The following LIMS1 variants were observed in gnomAD, a reference collection of about 807,000 sequenced individuals.
LIMS1 encodes the protein LIM and senescent cell antigen-like-containing domain protein 1.
A neutral mutation model predicts 44.1 loss-of-function variants in LIMS1; 18 were observed. That is an observed-to-expected ratio of 0.41 (90% CI 0.28 to 0.61). The LOEUF is 0.61. LIMS1 is among the 20% of genes least tolerant of loss of function. The pLI is 0.32. For missense variants in LIMS1, 201 were observed against 422.0 expected (o/e 0.48, Z 4.59); for synonymous variants, 93 against 149.1 (o/e 0.62, Z 2.74).
intron 1 of LIMS1, among the ~76,000 whole-genome samples, chr2:108,550,288 G>C (rs184124397): frequency 2.0e-5 from 3 of 151,668 alleles, no homozygotes; most frequent in South Asian, 2.1e-4. Flanking sequence ...GAGGTCAGGA[G>C]ATCGAGACCA....
intron 1 of LIMS1, among the ~76,000 whole-genome samples, chr2:108,573,472 A>G (rs777936463): frequency 2.0e-5 from 3 of 151,232 alleles, no homozygotes; most frequent in Non-Finnish European, 4.4e-5. Context: ...TGGGAAAAGC[A>G]TTTTTATTTT....
chr2:108,589,726 AT>A lies in LIMS1; in HGVS notation c.32+55139del, dbSNP rs1686285928. On this transcript the variant is annotated intron_variant, in intron 1 of 9. Coordinates refer to ENST00000544547, the Ensembl canonical transcript of LIMS1. ...TATTTCCATCTTCATTTGTCACAAG[AT>A]TTTTTTATATATCTCCTTTATTTTC... 5.3e-5 allele frequency among the ~76,000 whole-genome samples: 8 copies of A among 152,106 alleles called. No individual in the cohort carries two copies. In the South Asian group the frequency reaches 1.7e-3, roughly 32 times the overall value.
In LIMS1 at chr2:108,614,444, A is replaced by G. The variant is rs555935276; in HGVS notation, c.33-45161A>G. On this transcript the variant is annotated intron_variant, in intron 1 of 9. Transcript: ENST00000544547. The stretch of plus-strand genomic sequence containing the variant: ...AATAGAATCTCTTAGCTTGTATCCT[A>G]TGGTCTTTTTTTCATTCAGTGGTAG... 1.7e-4 allele frequency among the ~76,000 whole-genome samples: 26 copies of G among 152,242 alleles called. No individual in the cohort carries two copies. In the South Asian group the frequency reaches 3.7e-3, roughly 22 times the overall value.
In LIMS1 at chr2:108,539,386, C is replaced by T. The variant is rs189678680; in HGVS notation, c.32+4792C>T. 2.2e-3 allele frequency among the ~76,000 whole-genome samples: 329 copies of T among 152,286 alleles called. 1 individual carries two copies. Among genetic ancestry groups the T allele is most frequent in the Non-Finnish European group, 3.3e-3 (223 of 68,018 alleles). ...AGGCGCGAGCCACTGCACCCAGCTA[C>T]CAGAGTTTTCATAGCTTTCTGAGTG... On this transcript the variant is annotated intron_variant, in intron 1 of 9. Transcript: ENST00000544547.
intron 1 of LIMS1, among the ~76,000 whole-genome samples, chr2:108,566,367 A>G (rs1396897309): frequency 6.6e-6 from 1 of 152,202 alleles, no homozygotes; most frequent in Non-Finnish European, 1.5e-5. Context: ...AGTGTCTTCT[A>G]TGTCAGCAGT....
intron 1 of LIMS1, among the ~76,000 whole-genome samples, chr2:108,639,108 G>A (rs1038933933): frequency 2.3e-4 from 35 of 152,220 alleles, no homozygotes; most frequent in African/African-American, 8.2e-4. Flanking sequence ...GCACCTTTGC[G>A]ATACAGAACA....
At chr2:108,644,653 G>A (rs374416958) in intron 1 of LIMS1, among the ~76,000 whole-genome samples, 4 of 152,022 alleles carry the variant, frequency 2.6e-5, no homozygotes, top group African/African-American at 4.8e-5. Flanking sequence ...TGAGTTTGAC[G>A]AATGTGACAG....
chr2:108,620,564 C>A (rs1399874239), intron 1 of LIMS1, among the ~76,000 whole-genome samples: 2 of 152,156 alleles, frequency 1.3e-5, no homozygotes, highest in African/African-American at 2.4e-5. Flanking sequence ...TTGTCACTTT[C>A]CGAGGTCAAA....
intron 1 of LIMS1, among the ~76,000 whole-genome samples, chr2:108,601,415 T>TTGGCATGAGACCCAC (rs1227477473): frequency 6.6e-6 from 1 of 152,170 alleles, no homozygotes; most frequent in African/African-American, 2.4e-5. Flanking sequence ...AACAAGTTGT[T>TTGGCATGAGACCCAC]TGGCATGAGA....
intron 1 of LIMS1, among the ~76,000 whole-genome samples, chr2:108,589,637 C>T (rs1171347139): frequency 6.6e-6 from 1 of 152,104 alleles, no homozygotes; most frequent in East Asian, 1.9e-4. Context: ...AAGTAGGTGT[C>T]TATTGCTGTA....
intron 1 of LIMS1, among the ~76,000 whole-genome samples, chr2:108,568,626 C>T (rs895776588): frequency 3.3e-5 from 5 of 152,162 alleles, no homozygotes; most frequent in Non-Finnish European, 7.4e-5. Flanking sequence ...AATACCCACA[C>T]CATTTTACAC....
In LIMS1 at chr2:108,605,432, A is replaced by G. The variant is rs567709106; in HGVS notation, c.33-54173A>G. Among the ~76,000 whole-genome samples the G allele has an allele frequency of 7.6e-4, 116 of 152,214 alleles. 1 individual carries two copies. Among genetic ancestry groups the G allele is most frequent in the African/African-American group, 2.6e-3 (109 of 41,538 alleles). ...GGTTTCTGTTGCTTGCATCTTAGAA[A>G]CCTACATGTGTCAAGCTAAAGAGCT... On this transcript the variant is annotated intron_variant, in intron 1 of 9. Coordinates refer to ENST00000544547, the Ensembl canonical transcript of LIMS1.
intron 1 of LIMS1, among the ~76,000 whole-genome samples, chr2:108,549,275 G>GTTTCTTTT (rs1684597451): frequency 1.2e-5 from 1 of 86,494 alleles, no homozygotes; most frequent in Admixed American, 1.5e-4. Flanking sequence ...CAAGTAAAGT[G>GTTTCTTTT]TTTCTTTTTT....
At chr2:108,651,565 C>A (rs62149928) in intron 1 of LIMS1, among the ~76,000 whole-genome samples, 12,017 of 111,364 alleles carry the variant, frequency 0.11, no homozygotes, top group African/African-American at 0.16. Context: ...GTATATGGTA[C>A]CTTTGATCAT....
intron 1 of LIMS1, among the ~76,000 whole-genome samples, chr2:108,595,294 A>G (rs1161750707): frequency 6.6e-6 from 1 of 152,146 alleles, no homozygotes; most frequent in Non-Finnish European, 1.5e-5. Context: ...GTCATTCCCA[A>G]AGAATCTTTT....
At chr2:108,618,191 A>G (rs1688034364) in intron 1 of LIMS1, among the ~76,000 whole-genome samples, 1 of 152,208 alleles carries the variant, frequency 6.6e-6, no homozygotes, top group African/African-American at 2.4e-5. Context: ...TTAGAGTGCT[A>G]AAATGAAAAA....
chr2:108,679,156 A>G (rs1316934546), intron 8 of LIMS1, among the ~76,000 whole-genome samples: 1 of 152,022 alleles, frequency 6.6e-6, no homozygotes, highest in East Asian at 1.9e-4. Flanking sequence ...TGTACTAGGC[A>G]TTATAATTAA....
intron 1 of LIMS1, among the ~76,000 whole-genome samples, chr2:108,616,875 G>A (rs1038008272): frequency 6.6e-6 from 1 of 152,200 alleles, no homozygotes; most frequent in Non-Finnish European, 1.5e-5. Flanking sequence ...ATGTTTGCCA[G>A]ATGAATGTGT....
At chr2:108,623,599 A>G (rs1459040415) in intron 1 of LIMS1, among the ~76,000 whole-genome samples, 1 of 152,222 alleles carries the variant, frequency 6.6e-6, no homozygotes, top group African/African-American at 2.4e-5. Context: ...GAGGAATAAG[A>G]CACAGGCCTC....
Sources: allele counts gnomAD v4.1 joint callset (sites outside exome capture counted in the v4.1 genomes callset), GRCh38; gene constraint gnomAD v4.1.1; transcripts MANE v1.5; gene names NCBI Gene and HGNC (gene_info 2026-07-23, HGNC 2026-07-21).